PPM1L: variants seen among roughly 807,000 people sequenced by gnomAD.
The protein encoded by PPM1L is protein phosphatase 1L.
PPM1L carries 13 observed loss-of-function variants against 31.4 expected under a neutral mutation model. That is an observed-to-expected ratio of 0.41 (90% CI 0.27 to 0.66). PPM1L has a LOEUF of 0.66. PPM1L is among the 30% of genes least tolerant of loss of function. The pLI, the probability that PPM1L is intolerant of heterozygous loss-of-function variation, is 0.29. For missense variants in PPM1L, 326 were observed against 453.7 expected (o/e 0.72, Z 2.56); for synonymous variants, 184 against 175.4 (o/e 1.05, Z -0.39).
intron 2 of PPM1L, among the ~76,000 whole-genome samples, chr3:161,001,457 A>G (rs1011978242): frequency 4.0e-5 from 6 of 151,848 alleles, no homozygotes; most frequent in African/African-American, 1.5e-4. Context: ...TAATTTTTGT[A>G]TTTTTAGTAG....
At chr3:161,002,231 C>A (rs1717515764) in intron 2 of PPM1L, among the ~76,000 whole-genome samples, 1 of 152,298 alleles carries the variant, frequency 6.6e-6, no homozygotes, top group East Asian at 1.9e-4. Context: ...TTAATCCAGT[C>A]TATCATTGTT....
chr3:160,828,462 G>A (rs577301557), intron 1 of PPM1L, among the ~76,000 whole-genome samples: 140 of 152,238 alleles, frequency 9.2e-4, no homozygotes, highest in African/African-American at 3.1e-3. Flanking sequence ...TTAGGTGGGT[G>A]CTAAGGATGC....
chr3:160,820,306 T>A (rs1713156479), intron 1 of PPM1L, among the ~76,000 whole-genome samples: 2 of 152,148 alleles, frequency 1.3e-5, no homozygotes, highest in South Asian at 2.1e-4. Flanking sequence ...GCTTTCAACA[T>A]GTAGTGCTAC....
intron 1 of PPM1L, among the ~76,000 whole-genome samples, chr3:160,846,464 CT>C (rs1714078638): frequency 6.6e-6 from 1 of 152,064 alleles, no homozygotes; most frequent in Non-Finnish European, 1.5e-5. Flanking sequence ...TCCAGTCATG[CT>C]TTATACTTCA....
chr3:160,912,817 A>G (rs112729530), intron 1 of PPM1L, among the ~76,000 whole-genome samples: 7 of 152,216 alleles, frequency 4.6e-5, no homozygotes, highest in Non-Finnish European at 8.8e-5. Flanking sequence ...GCTGAAAAAT[A>G]AATGATCCCT....
chr3:160,929,044 T>TGTTTA (rs1714695708), intron 1 of PPM1L, among the ~76,000 whole-genome samples: 1 of 152,174 alleles, frequency 6.6e-6, no homozygotes, highest in African/African-American at 2.4e-5. Flanking sequence ...TGTTTTGTTT[T>TGTTTA]GCTTTGCTTA....
intron 1 of PPM1L, among the ~76,000 whole-genome samples, chr3:160,776,925 C>T (rs1482840410): frequency 6.6e-6 from 1 of 151,568 alleles, no homozygotes; most frequent in Non-Finnish European, 1.5e-5. Flanking sequence ...GAATGGGTGC[C>T]CTATAAAGGT....
chr3:160,843,466 A>ATATATATATATG lies in PPM1L; in HGVS notation c.399+86762_399+86763insATATATATGTAT. Among the ~76,000 whole-genome samples the ATATATATATATG allele has an allele frequency of 2.7e-5, 3 of 111,994 alleles. No homozygotes were observed. In the South Asian group the frequency reaches 8.8e-4, roughly 33 times the overall value. The allele number at this position is 111,994 out of a possible 152,430, so 73.5% of individuals were successfully genotyped here. A position where few individuals can be genotyped will look rare whatever the true frequency, so the allele number is the denominator to read the frequency against. ...TATATATATATATATATATATATAT[A>ATATATATATATG]TATGTTTTTTTTAATTGTACTTTAA... On this transcript the variant is annotated intron_variant, in intron 1 of 3. Transcript: ENST00000498165.
Position 160,960,561 on chromosome 3 carries a change from TGTGTGTGTG to T in PPM1L, c.400-1174_400-1166del, listed in dbSNP as rs1559904362. On this transcript the variant is annotated intron_variant, in intron 1 of 3. Coordinates refer to ENST00000498165, the MANE Select transcript of PPM1L (RefSeq NM_139245.4). ...GTTTGTTCGTTTTTTAGCAGTTTTGTGTGTGTGTGTGTGTGTGTGTGTGTGTGTGTGTGT... is the reference window on the plus strand; with the variant it reads ...GTTTGTTCGTTTTTTAGCAGTTTTGTTGTGTGTGTGTGTGTGTGTGTGTGT... 7.8e-4 allele frequency among the ~76,000 whole-genome samples: 7 copies of T among 8,950 alleles called. No individual in the cohort carries two copies. In the Non-Finnish European group the frequency reaches 0.019, roughly 24 times the overall value. 5.9% of individuals were successfully genotyped at this position (8,950 alleles called of 152,430 possible).
At chr3:160,887,805 G>A (rs750524834) in intron 1 of PPM1L, among the ~76,000 whole-genome samples, 8 of 151,974 alleles carry the variant, frequency 5.3e-5, no homozygotes, top group East Asian at 1.9e-4. Context: ...GGATGGTCTC[G>A]ATTTCCTGAC....
At chr3:160,933,363 C>T (rs1392625186) in intron 1 of PPM1L, among the ~76,000 whole-genome samples, 1 of 151,372 alleles carries the variant, frequency 6.6e-6, no homozygotes, top group Admixed American at 6.6e-5. Flanking sequence ...AAATTAAGCC[C>T]AATAGAAAAC....
chr3:160,990,231 GGC>G (rs1387814227), intron 2 of PPM1L, among the ~76,000 whole-genome samples: 1 of 151,798 alleles, frequency 6.6e-6, no homozygotes, highest in Non-Finnish European at 1.5e-5. Context: ...CAAACTCCTG[GGC>G]GCAAATGATT....
At chr3:160,811,338 C>G (rs1036806509) in intron 1 of PPM1L, among the ~76,000 whole-genome samples, 1 of 152,250 alleles carries the variant, frequency 6.6e-6, no homozygotes, top group African/African-American at 2.4e-5. Context: ...CTACAGTCCT[C>G]ATCCATCAGA....
chr3:161,046,589 T>C (rs1033291302), intron 2 of PPM1L, among the ~76,000 whole-genome samples: 13 of 152,184 alleles, frequency 8.5e-5, no homozygotes, highest in African/African-American at 2.9e-4. Flanking sequence ...ACTCATTTTA[T>C]GAGGCCAGCA....
chr3:160,801,753 C>T (rs961798736), intron 1 of PPM1L, among the ~76,000 whole-genome samples: 11 of 152,136 alleles, frequency 7.2e-5, no homozygotes, highest in African/African-American at 2.7e-4. Context: ...AGTATTTTTC[C>T]TCTCCCACAG....
At chr3:160,982,867 G>A (rs1427418358) in intron 2 of PPM1L, among the ~76,000 whole-genome samples, 1 of 152,216 alleles carries the variant, frequency 6.6e-6, no homozygotes, top group African/African-American at 2.4e-5. Context: ...GAAGAAGACT[G>A]TGATGGAACT....
At chr3:160,914,717 C>T in intron 1 of PPM1L, among the ~76,000 whole-genome samples, 1 of 152,094 alleles carries the variant, frequency 6.6e-6, no homozygotes. Flanking sequence ...GGTTCCAAGT[C>T]TTTGCTATTG....
At chr3:160,798,208 G>A (rs941242460) in intron 1 of PPM1L, among the ~76,000 whole-genome samples, 2 of 151,978 alleles carry the variant, frequency 1.3e-5, no homozygotes, top group East Asian at 3.9e-4. Context: ...AAACAAAAAT[G>A]CCAGGTGAAG....
intron 1 of PPM1L, among the ~76,000 whole-genome samples, chr3:160,865,056 A>G (rs1312093250): frequency 6.7e-6 from 1 of 149,374 alleles, no homozygotes; most frequent in South Asian, 2.1e-4. Flanking sequence ...TAAAAATTCT[A>G]TTATTTTTGT....
Sources: allele counts gnomAD v4.1 joint callset (sites outside exome capture counted in the v4.1 genomes callset), GRCh38; gene constraint gnomAD v4.1.1; transcripts MANE v1.5; gene names NCBI Gene and HGNC (gene_info 2026-07-23, HGNC 2026-07-21).